CSMD1: variants seen among roughly 807,000 people sequenced by gnomAD.
CSMD1 encodes CUB and Sushi multiple domains 1, also known as CUB and sushi domain-containing protein 1.
Under a neutral mutation model 417.5 loss-of-function variants are expected in CSMD1, and 213 were observed. That is an observed-to-expected ratio of 0.51 (90% CI 0.46 to 0.57). CSMD1 has a LOEUF of 0.57. CSMD1 is among the 20% of genes least tolerant of loss of function. The pLI is 0.00. For synonymous variants in CSMD1, 2,862 were observed against 1,736.8 expected (o/e 1.65, Z -16.11); for missense variants, 6,923 against 4,529.7 (o/e 1.53, Z -15.17).
chr8:4,104,556 T>C (rs1444114060), intron 3 of CSMD1, among the ~76,000 whole-genome samples: 1 of 152,138 alleles, frequency 6.6e-6, no homozygotes, highest in African/African-American at 2.4e-5. Flanking sequence ...CAAAGCCACT[T>C]TTCTGTTAAA....
intron 5 of CSMD1, among the ~76,000 whole-genome samples, chr8:3,819,715 G>T (rs958277068): frequency 6.6e-6 from 1 of 152,072 alleles, no homozygotes; most frequent in Admixed American, 6.5e-5. Context: ...GCCTCCTGGG[G>T]AACTGGGACC....
At chr8:4,831,439 T>C (rs964187266) in intron 1 of CSMD1, among the ~76,000 whole-genome samples, 4 of 152,242 alleles carry the variant, frequency 2.6e-5, no homozygotes, top group African/African-American at 9.6e-5. Context: ...ATATGCATTA[T>C]GGAGTACATT....
intron 3 of CSMD1, among the ~76,000 whole-genome samples, chr8:4,226,871 A>T (rs1243852821): frequency 6.6e-6 from 1 of 152,220 alleles, no homozygotes; most frequent in Non-Finnish European, 1.5e-5. Flanking sequence ...TTAGTTTGGG[A>T]ATAAGAAATA....
At chr8:4,588,429 G>C (rs757921703) in intron 2 of CSMD1, among the ~76,000 whole-genome samples, 2 of 145,326 alleles carry the variant, frequency 1.4e-5, no homozygotes, top group Admixed American at 6.9e-5. Flanking sequence ...TCTTCCTCTA[G>C]ATAGTACAGC....
chr8:3,800,869 G>C (rs1220728526), intron 5 of CSMD1, among the ~76,000 whole-genome samples: 5 of 152,106 alleles, frequency 3.3e-5, no homozygotes, highest in Non-Finnish European at 4.4e-5. Flanking sequence ...CCAGAGACTG[G>C]TGCCATGCTT....
chr8:4,135,525 A>G (rs1344629455), intron 3 of CSMD1, among the ~76,000 whole-genome samples: 1 of 152,188 alleles, frequency 6.6e-6, no homozygotes, highest in Non-Finnish European at 1.5e-5. Flanking sequence ...AGCCTGAGAA[A>G]AAACAGTTAT....
At chr8:4,650,347 G>GGAA (rs1803816122) in intron 1 of CSMD1, among the ~76,000 whole-genome samples, 1 of 78,254 alleles carries the variant, frequency 1.3e-5, no homozygotes, top group African/African-American at 4.3e-5. Flanking sequence ...TCCGTCTCAA[G>GGAA]AAAAAAAAAA....
chr8:3,530,535 G>A (rs546235145), intron 10 of CSMD1, among the ~76,000 whole-genome samples: 3 of 152,122 alleles, frequency 2.0e-5, no homozygotes, highest in African/African-American at 2.4e-5. Flanking sequence ...TTTTGTTTTT[G>A]TTTTGAGGTG....
At chr8:4,794,142 TAGAC>T (rs1230576271) in intron 1 of CSMD1, among the ~76,000 whole-genome samples, 1 of 152,226 alleles carries the variant, frequency 6.6e-6, no homozygotes, top group Non-Finnish European at 1.5e-5. Flanking sequence ...TATTCTCTAA[TAGAC>T]AGTCAAACTC....
chr8:3,380,626 G>A (rs1217099587), intron 18 of CSMD1, among the ~76,000 whole-genome samples: 1 of 152,092 alleles, frequency 6.6e-6, no homozygotes, highest in Non-Finnish European at 1.5e-5. Flanking sequence ...ACTGTCGGTA[G>A]ACTAACATAG....
intron 3 of CSMD1, among the ~76,000 whole-genome samples, chr8:4,231,648 C>T (rs1217929994): frequency 6.6e-6 from 1 of 152,168 alleles, no homozygotes; most frequent in Non-Finnish European, 1.5e-5. Flanking sequence ...CAGGCTCTGT[C>T]TGATAAGTAG....
chr8:4,896,156 G>T (rs1380680132), intron 1 of CSMD1, among the ~76,000 whole-genome samples: 4 of 151,982 alleles, frequency 2.6e-5, no homozygotes, highest in Admixed American at 2.0e-4. Flanking sequence ...TTAAACATTT[G>T]AAAGATTGTT....
intron 2 of CSMD1, among the ~76,000 whole-genome samples, chr8:4,615,712 T>C (rs1487329160): frequency 6.6e-6 from 1 of 152,188 alleles, no homozygotes. Flanking sequence ...GTTAATTTTT[T>C]GAAACTGCCT....
intron 5 of CSMD1, among the ~76,000 whole-genome samples, chr8:3,905,780 A>G (rs1808066841): frequency 1.3e-5 from 2 of 152,174 alleles, no homozygotes; most frequent in African/African-American, 4.8e-5. Flanking sequence ...CCTTGCTCAG[A>G]ATTCTTCACC....
At chr8:4,103,630 G>T (rs1305097711) in intron 3 of CSMD1, among the ~76,000 whole-genome samples, 3 of 152,022 alleles carry the variant, frequency 2.0e-5, no homozygotes, top group Non-Finnish European at 2.9e-5. Context: ...GTAGTCTTAA[G>T]GATCTTTAAA....
chr8:3,056,841 G>T (rs1170459468), intron 49 of CSMD1, among the ~76,000 whole-genome samples: 1 of 151,696 alleles, frequency 6.6e-6, no homozygotes, highest in African/African-American at 2.4e-5. Flanking sequence ...AATTATATAT[G>T]TATATAGAAG....
At chr8:4,316,408 C>G (rs1256921562) in intron 3 of CSMD1, among the ~76,000 whole-genome samples, 3 of 152,106 alleles carry the variant, frequency 2.0e-5, no homozygotes, top group Non-Finnish European at 2.9e-5. Flanking sequence ...CTTACCAAGA[C>G]AATTTCTTCA....
intron 10 of CSMD1, among the ~76,000 whole-genome samples, chr8:3,499,498 G>A (rs1796504777): frequency 6.6e-6 from 1 of 152,100 alleles, no homozygotes; most frequent in Non-Finnish European, 1.5e-5. Flanking sequence ...CCACTGCTTG[G>A]AGTGGGGGGA....
intron 25 of CSMD1, among the ~76,000 whole-genome samples, chr8:3,295,125 A>AT (rs1275728365): frequency 4.7e-5 from 7 of 148,756 alleles, no homozygotes; most frequent in Admixed American, 1.3e-4. Context: ...TATTTTATTT[A>AT]TTTATTTTAT....
Sources: gnomAD v4.1 joint callset for allele counts (sites outside exome capture counted in the v4.1 genomes callset) on GRCh38, gnomAD v4.1.1 for gene constraint, MANE v1.5 for transcripts, NCBI Gene and HGNC (gene_info 2026-07-23, HGNC 2026-07-21) for gene names.